NRG3: variants seen among roughly 807,000 people sequenced by gnomAD.
The protein encoded by NRG3 is pro-neuregulin-3, membrane-bound isoform.
NRG3 carries 31 observed loss-of-function variants against 66.9 expected under a neutral mutation model. That is an observed-to-expected ratio of 0.46 (90% confidence interval 0.35 to 0.63). The LOEUF (loss-of-function observed/expected upper bound fraction) is 0.63, where lower values mean the gene tolerates loss of function less well. Among genes scored for constraint, NRG3 ranks in the 20% least tolerant of loss-of-function variants. The probability of loss-of-function intolerance (pLI) is 0.00; values close to 1 mark genes in which losing one functional copy is unlikely to be tolerated. For synonymous variants in NRG3, 393 were observed against 359.4 expected (o/e 1.09, Z -1.06); for missense variants, 910 against 878.9 (o/e 1.04, Z -0.45).
chr10:81,973,930 T>C (rs975470850), intron 1 of NRG3, among the ~76,000 whole-genome samples: 3 of 152,210 alleles, frequency 2.0e-5, no homozygotes, highest in Non-Finnish European at 2.9e-5. Flanking sequence ...CATTTGTCAA[T>C]TTTTGCTTGT....
Position 82,815,063 on chromosome 10 carries a change from C to T in NRG3, c.1028-50348C>T, listed in dbSNP as rs548365199. 9.2e-5 allele frequency among the ~76,000 whole-genome samples: 14 copies of T among 152,270 alleles called. No individual in the cohort carries two copies. The East Asian group carries it at 1.9e-3, about 21-fold the overall frequency. On this transcript the variant is annotated intron_variant, in intron 3 of 8. Transcript: ENST00000372141. ...ATTGTTGCTCTGAGAGTGTGCATTG[C>T]GGTCATCGCCGTCCTCCTGGTTTAA... is the stretch of plus-strand genomic sequence containing the variant.
rs558718396 is a variant in NRG3 at position 82,058,236 on chromosome 10, AT to A, written c.823+182080del. 2.6e-3 allele frequency among the ~76,000 whole-genome samples: 392 copies of A among 151,626 alleles called. 1 individual carries two copies. Among genetic ancestry groups the A allele is most frequent in the African/African-American group, 9.1e-3 (375 of 41,394 alleles). On this transcript the variant is annotated intron_variant, in intron 1 of 8. Transcript: ENST00000372141. ...AATTCTAGGCCATACATAGCAAGTT[AT>A]TTTTTTCCCTAGTTTGTTATATCTA...
intron 4 of NRG3, among the ~76,000 whole-genome samples, chr10:82,894,758 T>C (rs937724933): frequency 6.6e-6 from 1 of 152,156 alleles, no homozygotes; most frequent in African/African-American, 2.4e-5. Flanking sequence ...CTTTAAGTTC[T>C]AGGGTGAATG....
intron 3 of NRG3, among the ~76,000 whole-genome samples, chr10:82,794,716 A>C (rs991889804): frequency 6.6e-6 from 1 of 152,096 alleles, no homozygotes; most frequent in Non-Finnish European, 1.5e-5. Context: ...ATTGTCACAA[A>C]ATTCATCTTG....
At chr10:82,972,498 G>A (rs769196003) in intron 6 of NRG3, among the ~76,000 whole-genome samples, 6 of 151,836 alleles carry the variant, frequency 4.0e-5, no homozygotes, top group Non-Finnish European at 7.4e-5. Flanking sequence ...ATTTTTCTTC[G>A]GTTAGAACTA....
At chr10:82,460,534 T>C (rs926340077) in intron 2 of NRG3, among the ~76,000 whole-genome samples, 10 of 152,220 alleles carry the variant, frequency 6.6e-5, no homozygotes, top group African/African-American at 2.4e-4. Flanking sequence ...TTGATCTCTG[T>C]CTTTCATGCA....
At chr10:82,952,469 CTCTGTG>C (rs1418175527) in intron 5 of NRG3, among the ~76,000 whole-genome samples, 70 of 35,410 alleles carry the variant, frequency 2.0e-3, no homozygotes, top group African/African-American at 6.3e-3. Context: ...CTCTCTCTCT[CTCTGTG>C]TGTGTGTGTG....
chr10:82,019,953 T>C (rs2061985644), intron 1 of NRG3, among the ~76,000 whole-genome samples: 1 of 152,130 alleles, frequency 6.6e-6, no homozygotes, highest in African/African-American at 2.4e-5. Flanking sequence ...TCTGCTCTGA[T>C]CTTAGTAATT....
At chr10:81,945,289 T>C (rs1468544163) in intron 1 of NRG3, among the ~76,000 whole-genome samples, 1 of 152,020 alleles carries the variant, frequency 6.6e-6, no homozygotes. Flanking sequence ...TCCTTCTTTT[T>C]CCTTCTTTTA....
chr10:82,689,131 C>CA (rs1204223409), intron 2 of NRG3, among the ~76,000 whole-genome samples: 2 of 151,986 alleles, frequency 1.3e-5, no homozygotes, highest in Non-Finnish European at 2.9e-5. Flanking sequence ...AATTGCTGAT[C>CA]AAAAATGGTC....
At chr10:82,354,985 T>A (rs1382734648) in intron 1 of NRG3, among the ~76,000 whole-genome samples, 1 of 152,244 alleles carries the variant, frequency 6.6e-6, no homozygotes, top group African/African-American at 2.4e-5. Flanking sequence ...TATAATTGTT[T>A]TGAAGGCAAT....
At chr10:81,882,262 G>C (rs1246772991) in intron 1 of NRG3, among the ~76,000 whole-genome samples, 2 of 152,200 alleles carry the variant, frequency 1.3e-5, no homozygotes, top group East Asian at 3.9e-4. Context: ...GTGTGTTCCT[G>C]CCAGGCAGTG....
At chr10:82,287,298 G>A (rs893232877) in intron 1 of NRG3, among the ~76,000 whole-genome samples, 2 of 152,036 alleles carry the variant, frequency 1.3e-5, no homozygotes, top group East Asian at 2.0e-4. Flanking sequence ...GCCTGTTTTC[G>A]CCTGTGACTT....
At chr10:82,075,853 G>A (rs2065063016) in intron 1 of NRG3, among the ~76,000 whole-genome samples, 1 of 151,586 alleles carries the variant, frequency 6.6e-6, no homozygotes, top group Non-Finnish European at 1.5e-5. Context: ...GCCCAGGCTT[G>A]AACAGAGAGT....
chr10:82,464,604 G>A (rs1840506863), intron 2 of NRG3, among the ~76,000 whole-genome samples: 1 of 152,202 alleles, frequency 6.6e-6, no homozygotes, highest in Non-Finnish European at 1.5e-5. Flanking sequence ...ACCGCAGCCA[G>A]CAGCACCCTG....
At position 82,848,288 on chromosome 10, in the gene NRG3, T is replaced by A. The variant is rs546566813; in HGVS notation, c.1028-17123T>A. ...AGACTATAGGAATCCAACTCTTGCA[T>A]CAAGGTAACCCAGATGTGAGGACAT... On this transcript the variant is annotated intron_variant, in intron 3 of 8. Transcript: ENST00000372141. Among the ~76,000 whole-genome samples, 6 of 152,330 alleles carry A rather than the reference T, an allele frequency of 3.9e-5. No individual in the cohort carries two copies. The South Asian group carries it at 1.2e-3, about 32-fold the overall frequency.
At position 82,986,905 on chromosome 10, in the gene NRG3, T is replaced by C. The variant is rs774033344; in HGVS notation, c.*1300T>C. On this transcript the variant is annotated 3_prime_UTR_variant, in exon 9 of 9. Coordinates refer to ENST00000372141, the MANE Select transcript of NRG3 (RefSeq NM_001010848.4). Reference sequence around the variant, plus strand: ...TGGTTAGTATGGGAAGAATAAATTGTTGAAATAAAAATACCCAGACTATTC... The same window carrying C: ...TGGTTAGTATGGGAAGAATAAATTGCTGAAATAAAAATACCCAGACTATTC... The C allele has an allele frequency of 6.6e-6, 1 of 152,186 alleles. No individual in the cohort carries two copies. Among genetic ancestry groups the C allele is most frequent in the African/African-American group, 2.4e-5 (1 of 41,448 alleles). The allele number at this position is 152,186 out of a possible 1,614,324, so 9.4% of individuals were successfully genotyped here.
chr10:82,672,638 A>AAAAACAAAACAAATC (rs960187088), intron 2 of NRG3, among the ~76,000 whole-genome samples: 4 of 152,204 alleles, frequency 2.6e-5, no homozygotes, highest in East Asian at 1.9e-4. Flanking sequence ...TTGACAAGGG[A>AAAAACAAAACAAATC]AAAACAAAAC....
rs932425034 is a variant in NRG3, at chr10:82,455,590, A to G, written c.953+96722A>G. On this transcript the variant is annotated intron_variant, in intron 2 of 8. Transcript: ENST00000372141. Reference sequence around the variant, plus strand: ...GTACACTACTATGGACTTCATAAACACTGGGCACTTAGATTACACTAAACT... The same window carrying G: ...GTACACTACTATGGACTTCATAAACGCTGGGCACTTAGATTACACTAAACT... 3.3e-5 allele frequency among the ~76,000 whole-genome samples: 5 copies of G among 151,384 alleles called. No individual in the cohort carries two copies. In the South Asian group the frequency reaches 1.0e-3, roughly 32 times the overall value.
Sources: gnomAD v4.1 joint callset for allele counts (sites outside exome capture counted in the v4.1 genomes callset) on GRCh38, gnomAD v4.1.1 for gene constraint, MANE v1.5 for transcripts, NCBI Gene and HGNC (gene_info 2026-07-23, HGNC 2026-07-21) for gene names.